Variants in AGTR1 observed in about 807,000 individuals in gnomAD.
AGTR1 encodes the protein type-1 angiotensin II receptor.
A neutral mutation model predicts 19.4 loss-of-function variants in AGTR1; 16 were observed. The observed-to-expected ratio is 0.82, with a 90% CI of 0.56 to 1.25. The LOEUF is 1.25. Ranked by LOEUF, AGTR1 falls within the 50% of genes most tolerant of loss-of-function variation. The pLI, the probability that AGTR1 is intolerant of heterozygous loss-of-function variation, is 0.00. For synonymous variants in AGTR1, 153 were observed against 154.9 expected, an observed-to-expected ratio of 0.99 and a Z score of 0.09; for missense variants, 373 against 431.9, an observed-to-expected ratio of 0.86 and a Z score of 1.21.
chr3:148,712,081 C>T (rs994336920), intron 2 of AGTR1, among the ~76,000 whole-genome samples: 1 of 151,984 alleles, frequency 6.6e-6, no homozygotes, highest in Non-Finnish European at 1.5e-5. Context: ...ATTGAAAGAG[C>T]TCAAAGAAAT....
intron 1 of AGTR1, among the ~76,000 whole-genome samples, chr3:148,702,409 C>T (rs1378268893): frequency 6.6e-6 from 1 of 152,180 alleles, no homozygotes; most frequent in Non-Finnish European, 1.5e-5. Flanking sequence ...TAAAATATAT[C>T]AACAACAGCT....
chr3:148,720,669 A>G (rs1713578970), intron 2 of AGTR1, among the ~76,000 whole-genome samples: 1 of 151,946 alleles, frequency 6.6e-6, no homozygotes, highest in South Asian at 2.1e-4. Context: ...TTTGGCCTAA[A>G]TAAACATGCA....
chr3:148,714,369 A>G (rs532791984), intron 2 of AGTR1, among the ~76,000 whole-genome samples: 1 of 152,160 alleles, frequency 6.6e-6, no homozygotes, highest in Non-Finnish European at 1.5e-5. Flanking sequence ...AGGAAGAAGG[A>G]GGAAGCTATG....
At chr3:148,722,046 A>G (rs1406962924) in intron 2 of AGTR1, among the ~76,000 whole-genome samples, 3 of 152,220 alleles carry the variant, frequency 2.0e-5, no homozygotes, top group African/African-American at 2.4e-5. Flanking sequence ...AAGTAACTCA[A>G]CTGCTTTTCA....
chr3:148,701,667 CAT>C (rs1291657977), intron 1 of AGTR1, among the ~76,000 whole-genome samples: 2 of 152,134 alleles, frequency 1.3e-5, no homozygotes, highest in Non-Finnish European at 2.9e-5. Flanking sequence ...GTTAATCTCA[CAT>C]GTAATTTTTT....
chr3:148,721,633 G>A (rs978498792), intron 2 of AGTR1, among the ~76,000 whole-genome samples: 25 of 152,128 alleles, frequency 1.6e-4, no homozygotes, highest in African/African-American at 5.1e-4. Context: ...CATGATACAG[G>A]GATGGTACAC....
chr3:148,712,278 C>T (rs1713029431), intron 2 of AGTR1, among the ~76,000 whole-genome samples: 1 of 151,990 alleles, frequency 6.6e-6, no homozygotes, highest in African/African-American at 2.4e-5. Context: ...CAGTGCAGAC[C>T]TGGTGGAAAA....
chr3:148,701,147 C>T (rs1039618280), intron 1 of AGTR1, among the ~76,000 whole-genome samples: 10 of 152,016 alleles, frequency 6.6e-5, no homozygotes, highest in South Asian at 6.2e-4. Flanking sequence ...TACCATTATC[C>T]TATTAAAGCT....
intron 2 of AGTR1, among the ~76,000 whole-genome samples, chr3:148,736,943 C>T (rs1714599712): frequency 6.6e-6 from 1 of 152,160 alleles, no homozygotes; most frequent in Non-Finnish European, 1.5e-5. Context: ...CTTTCTAGAT[C>T]TCACAAATCT....
In AGTR1 at chr3:148,720,268, A is replaced by C. The variant is rs114176445; in HGVS notation, c.-48+12241A>C. On this transcript the variant is annotated intron_variant, in intron 2 of 2. Transcript: ENST00000349243. ...TAAAATCAAGCAGAAACACACACAC[A>C]CCACACACACACACAGAGGCTCAAA... 1.2e-3 allele frequency among the ~76,000 whole-genome samples: 190 copies of C among 152,248 alleles called. 1 individual carries two copies. Among genetic ancestry groups the C allele is most frequent in the African/African-American group, 4.4e-3 (181 of 41,552 alleles).
At chr3:148,724,321 A>G (rs1371028421) in intron 2 of AGTR1, among the ~76,000 whole-genome samples, 1 of 152,202 alleles carries the variant, frequency 6.6e-6, no homozygotes, top group Non-Finnish European at 1.5e-5. Flanking sequence ...TCTAGGGACC[A>G]TAACAACAAT....
At chr3:148,738,622 C>A (rs1307234254) in intron 2 of AGTR1, among the ~76,000 whole-genome samples, 1 of 152,148 alleles carries the variant, frequency 6.6e-6, no homozygotes, top group African/African-American at 2.4e-5. Flanking sequence ...ACTAGTCATA[C>A]CTCCCTAAAA....
chr3:148,740,375 G>GA (rs1714803914), intron 2 of AGTR1, among the ~76,000 whole-genome samples: 1 of 152,150 alleles, frequency 6.6e-6, no homozygotes, highest in Non-Finnish European at 1.5e-5. Flanking sequence ...GAAAACCATG[G>GA]AAAAAATCCT....
chr3:148,710,389 AG>A (rs1353562431), intron 2 of AGTR1, among the ~76,000 whole-genome samples: 1 of 152,174 alleles, frequency 6.6e-6, no homozygotes, highest in African/African-American at 2.4e-5. Flanking sequence ...AATTGTGAAA[AG>A]AAGTACCCAC....
intron 2 of AGTR1, among the ~76,000 whole-genome samples, chr3:148,733,410 A>G (rs1714400734): frequency 6.6e-6 from 1 of 152,236 alleles, no homozygotes. Context: ...TCTTAAGGGT[A>G]CAAATTAATT....
At chr3:148,714,378 T>G (rs1713169039) in intron 2 of AGTR1, among the ~76,000 whole-genome samples, 1 of 152,100 alleles carries the variant, frequency 6.6e-6, no homozygotes, top group African/African-American at 2.4e-5. Flanking sequence ...GAGGAAGCTA[T>G]GTGGACATCT....
rs398062907 is a variant in AGTR1 at position 148,701,977 on chromosome 3, CT to C, written c.-132+3868del. Among the ~76,000 whole-genome samples the C allele has an allele frequency of 9.4e-3, 1,241 of 132,624 alleles. 9 individuals are homozygous for C. Among genetic ancestry groups the C allele is most frequent in the African/African-American group, 0.026 (894 of 34,946 alleles). 87.0% of individuals were successfully genotyped at this position (132,624 alleles called of 152,430 possible). On this transcript the variant is annotated intron_variant, in intron 1 of 2. Coordinates refer to ENST00000349243, the MANE Select transcript of AGTR1 (RefSeq NM_000685.5). ...GAGAAATACACATATGATTGTGTAC[CT>C]TTTTTTTTTTTTTTTTTGAGACAGA...
At chr3:148,720,881 T>C (rs1713594074) in intron 2 of AGTR1, among the ~76,000 whole-genome samples, 1 of 152,246 alleles carries the variant, frequency 6.6e-6, no homozygotes, top group Non-Finnish European at 1.5e-5. Context: ...TTATTCATTC[T>C]ACTTCACAGT....
At chr3:148,740,046 C>G in intron 2 of AGTR1, 1 of 1,112,422 alleles carries the variant, frequency 9.0e-7, no homozygotes, top group Non-Finnish European at 1.1e-6. Flanking sequence ...TTTTCTAAAT[C>G]ACATAAATGA....
Sources: gnomAD v4.1 joint callset for allele counts (sites outside exome capture counted in the v4.1 genomes callset) on GRCh38, gnomAD v4.1.1 for gene constraint, MANE v1.5 for transcripts, NCBI Gene and HGNC (gene_info 2026-07-23, HGNC 2026-07-21) for gene names.